The following CHST11 variants were observed in gnomAD, a reference collection of about 807,000 sequenced individuals.
The protein encoded by CHST11 is C4S-1.
CHST11 carries 9 observed loss-of-function variants against 30.4 expected under a neutral mutation model. That is an observed-to-expected ratio of 0.30 (90% CI 0.18 to 0.52). CHST11 has a LOEUF of 0.52. Ranked by LOEUF, CHST11 falls within the 20% of genes least tolerant of loss-of-function variation. The pLI is 0.97. For missense variants in CHST11, 348 were observed against 460.6 expected, an observed-to-expected ratio of 0.76 and a Z score of 2.24; for synonymous variants, 152 against 187.8, an observed-to-expected ratio of 0.81 and a Z score of 1.56.
chr12:104,602,018 G>A (rs781543347), intron 2 of CHST11, 27 bp downstream of exon 2: 7 of 1,485,128 alleles, frequency 4.7e-6, no homozygotes, highest in East Asian at 5.0e-5. Context: ...CTGTCAGCAT[G>A]TGAATTTTTT....
intron 2 of CHST11, among the ~76,000 whole-genome samples, chr12:104,652,638 G>C (rs2039502457): frequency 6.6e-6 from 1 of 152,226 alleles, no homozygotes; most frequent in African/African-American, 2.4e-5. Context: ...CATTCCCAAG[G>C]CCCAAGACAG....
chr12:104,563,027 TTTG>T (rs916858721), intron 1 of CHST11, among the ~76,000 whole-genome samples: 3 of 152,036 alleles, frequency 2.0e-5, no homozygotes, highest in East Asian at 3.9e-4. Flanking sequence ...AGTGGTTTTT[TTTG>T]TTGTTGTTGT....
At chr12:104,514,178 C>A in intron 1 of CHST11, 1 of 958,028 alleles carries the variant, frequency 1.0e-6, no homozygotes, top group Non-Finnish European at 1.7e-6. Context: ...TCCAGGTGGC[C>A]ACATAGGAGT....
chr12:104,705,602 C>T (rs2040025654), intron 2 of CHST11, among the ~76,000 whole-genome samples: 2 of 152,158 alleles, frequency 1.3e-5, no homozygotes, highest in African/African-American at 4.8e-5. Context: ...ATAGCAAGTC[C>T]GGAAGGTAAG....
chr12:104,720,829 T>A (rs1277258349), intron 2 of CHST11, among the ~76,000 whole-genome samples: 1 of 152,116 alleles, frequency 6.6e-6, no homozygotes, highest in Non-Finnish European at 1.5e-5. Flanking sequence ...CGTGGACCAG[T>A]CGCTGCTGCT....
At chr12:104,622,631 C>T (rs1204483293) in intron 2 of CHST11, among the ~76,000 whole-genome samples, 1 of 152,158 alleles carries the variant, frequency 6.6e-6, no homozygotes. Context: ...CTAGAGAGGG[C>T]AAAGAGCATG....
At chr12:104,585,074 A>G (rs1242616939) in intron 1 of CHST11, among the ~76,000 whole-genome samples, 1 of 152,244 alleles carries the variant, frequency 6.6e-6, no homozygotes, top group Non-Finnish European at 1.5e-5. Context: ...AAATATGGAA[A>G]TGAAATAGGG....
In CHST11 at chr12:104,699,105, C is replaced by T. The variant is rs115877295; in HGVS notation, c.205-57844C>T. Among the ~76,000 whole-genome samples the T allele has an allele frequency of 2.9e-3, 436 of 152,258 alleles. 1 individual carries two copies. Among genetic ancestry groups the T allele is most frequent in the African/African-American group, 0.01 (427 of 41,544 alleles). The stretch of plus-strand genomic sequence containing the variant: ...ATCCCCTGGAATGCTGGTTAAAATA[C>T]AAAATCTCAGGCCTCACCCTAGATC... On this transcript the variant is annotated intron_variant, in intron 2 of 2. Coordinates refer to ENST00000303694, the MANE Select transcript of CHST11 (RefSeq NM_018413.6).
At chr12:104,623,033 AAAG>A (rs2039175568) in intron 2 of CHST11, among the ~76,000 whole-genome samples, 1 of 152,198 alleles carries the variant, frequency 6.6e-6, no homozygotes, top group South Asian at 2.1e-4. Flanking sequence ...CGTTTTCTGT[AAAG>A]GGCCAGACAG....
chr12:104,556,320 A>G (rs1488623776), intron 1 of CHST11, among the ~76,000 whole-genome samples: 1 of 151,984 alleles, frequency 6.6e-6, no homozygotes, highest in Non-Finnish European at 1.5e-5. Flanking sequence ...CAGCTAAGAG[A>G]TTATATGAGG....
At chr12:104,497,364 C>T (rs999179376) in intron 1 of CHST11, among the ~76,000 whole-genome samples, 2 of 152,184 alleles carry the variant, frequency 1.3e-5, no homozygotes, top group Admixed American at 6.5e-5. Flanking sequence ...TGGGAGGACA[C>T]GGCAAGATGG....
At chr12:104,545,174 A>C (rs574758695) in intron 1 of CHST11, among the ~76,000 whole-genome samples, 25 of 102,972 alleles carry the variant, frequency 2.4e-4, no homozygotes, top group Middle Eastern at 8.2e-3. Flanking sequence ...CAAAAAAATC[A>C]ATCCATTCAT....
chr12:104,541,132 A>T lies in CHST11; in HGVS notation c.119-60774A>T, dbSNP rs796647604. 3.1e-3 allele frequency among the ~76,000 whole-genome samples: 422 copies of T among 135,820 alleles called. 1 individual carries two copies. Among genetic ancestry groups the T allele is most frequent in the South Asian group, 3.5e-3 (16 of 4,618 alleles). 89.1% of individuals were successfully genotyped at this position (135,820 alleles called of 152,430 possible). A position where few individuals can be genotyped will look rare whatever the true frequency, so the allele number is the denominator to read the frequency against. Reference sequence around the variant, plus strand: ...ATCTCTCCCTCTCTCTCTCTCTCTCACACACACACACACACACACACACAC... The same window carrying T: ...ATCTCTCCCTCTCTCTCTCTCTCTCTCACACACACACACACACACACACAC... On this transcript the variant is annotated intron_variant, in intron 1 of 2. Coordinates refer to ENST00000303694, the MANE Select transcript of CHST11 (RefSeq NM_018413.6).
chr12:104,700,251 G>A (rs1490104334), intron 2 of CHST11, among the ~76,000 whole-genome samples: 1 of 151,972 alleles, frequency 6.6e-6, no homozygotes, highest in Non-Finnish European at 1.5e-5. Flanking sequence ...CGGGAATGCA[G>A]CAATAAACAT....
chr12:104,658,777 C>G (rs565357178), intron 2 of CHST11, among the ~76,000 whole-genome samples: 1 of 152,310 alleles, frequency 6.6e-6, no homozygotes, highest in Admixed American at 6.5e-5. Flanking sequence ...TTCTTAGGTG[C>G]CAAGCAAAGT....
intron 2 of CHST11, among the ~76,000 whole-genome samples, chr12:104,743,242 C>T (rs570858259): frequency 1.3e-5 from 2 of 152,330 alleles, no homozygotes; most frequent in African/African-American, 2.4e-5. Flanking sequence ...GAGATAAGTA[C>T]TACAAAGAAA....
rs1278791278 is a variant in CHST11 at position 104,564,680 on chromosome 12, G to A, written c.119-37226G>A. On this transcript the variant is annotated intron_variant, in intron 1 of 2. Coordinates refer to ENST00000303694, the MANE Select transcript of CHST11 (RefSeq NM_018413.6). ...TCTGCCTAAGGATAGAATTGTCCAA[G>A]ATGCACATCGGTGATCCTTTGCCAA... is the stretch of plus-strand genomic sequence containing the variant. Among the ~76,000 whole-genome samples, 3 of 152,166 alleles carry A rather than the reference G, an allele frequency of 2.0e-5. No individual in the cohort carries two copies. The South Asian group carries it at 6.2e-4, about 32-fold the overall frequency.
intron 2 of CHST11, among the ~76,000 whole-genome samples, chr12:104,749,243 G>C (rs537602548): frequency 6.6e-6 from 1 of 152,268 alleles, no homozygotes; most frequent in Admixed American, 6.5e-5. Flanking sequence ...CGAGTCCTTT[G>C]AAATCTTGTG....
rs542210306 is a variant in CHST11 at position 104,710,611 on chromosome 12, G to A, written c.205-46338G>A. ...CATTCATCTTCTTCCTGGAAGGTCT[G>A]GGAGGGCCAGCTGCACTCCAGCTTT... On this transcript the variant is annotated intron_variant, in intron 2 of 2. Coordinates refer to ENST00000303694, the MANE Select transcript of CHST11 (RefSeq NM_018413.6). Among the ~76,000 whole-genome samples, 7 of 152,214 alleles carry A rather than the reference G, an allele frequency of 4.6e-5. No homozygotes were observed. In the South Asian group the frequency reaches 1.5e-3, roughly 32 times the overall value.
Sources: gnomAD v4.1 joint callset for allele counts (sites outside exome capture counted in the v4.1 genomes callset) on GRCh38, gnomAD v4.1.1 for gene constraint, MANE v1.5 for transcripts, NCBI Gene and HGNC (gene_info 2026-07-23, HGNC 2026-07-21) for gene names.